The following ZNF644 variants were observed in gnomAD, a reference collection of about 807,000 sequenced individuals.
ZNF644 encodes zinc finger protein 644.
In ZNF644, 20 loss-of-function variants were observed where a neutral mutation model predicts 108.0. The observed-to-expected ratio is 0.19, with a 90% CI of 0.13 to 0.27. The LOEUF (loss-of-function observed/expected upper bound fraction) is 0.27. Among genes scored for constraint, ZNF644 ranks in the 10% least tolerant of loss-of-function variants. The pLI is 1.00. For missense variants in ZNF644, 1,338 were observed against 1,548.9 expected, an observed-to-expected ratio of 0.86 and a Z score of 2.29; for synonymous variants, 542 against 539.1, an observed-to-expected ratio of 1.01 and a Z score of -0.08.
At chr1:90,979,571 T>C (rs1656351174) in intron 2 of ZNF644, among the ~76,000 whole-genome samples, 1 of 152,216 alleles carries the variant, frequency 6.6e-6, no homozygotes, top group Admixed American at 6.5e-5. Context: ...GCAAGCTTCC[T>C]AAGCTGTGGG....
chr1:91,014,086 A>G (rs1028546314), intron 1 of ZNF644, among the ~76,000 whole-genome samples: 1 of 152,170 alleles, frequency 6.6e-6, no homozygotes, highest in African/African-American at 2.4e-5. Flanking sequence ...CAAATTGTAT[A>G]TATTTATGGT....
intron 2 of ZNF644, among the ~76,000 whole-genome samples, chr1:90,981,129 T>C (rs1256532511): frequency 6.6e-6 from 1 of 152,098 alleles, no homozygotes; most frequent in African/African-American, 2.4e-5. Flanking sequence ...TAATAAGACC[T>C]TCAAGTACAA....
chr1:91,005,166 A>C (rs1659295320), intron 1 of ZNF644, among the ~76,000 whole-genome samples: 1 of 152,180 alleles, frequency 6.6e-6, no homozygotes. Flanking sequence ...GAAAGTAACC[A>C]AAAGAGAGTT....
intron 1 of ZNF644, among the ~76,000 whole-genome samples, chr1:90,992,477 T>C (rs1052223544): frequency 6.6e-6 from 1 of 151,718 alleles, no homozygotes; most frequent in Non-Finnish European, 1.5e-5. Flanking sequence ...GGTAATTCAG[T>C]CTATAAACAA....
chr1:90,932,524 G>A (rs1380524033), intron 4 of ZNF644, among the ~76,000 whole-genome samples: 2 of 152,064 alleles, frequency 1.3e-5, no homozygotes, highest in Non-Finnish European at 2.9e-5. Flanking sequence ...AATGATGCCT[G>A]TTACTCATAT....
chr1:90,932,002 G>A (rs1446153958), intron 4 of ZNF644, among the ~76,000 whole-genome samples: 1 of 152,028 alleles, frequency 6.6e-6, no homozygotes, highest in African/African-American at 2.4e-5. Context: ...TTCTGGGATG[G>A]GGCCCACAGC....
intron 2 of ZNF644, among the ~76,000 whole-genome samples, chr1:90,942,513 C>T (rs552529052): frequency 2.0e-5 from 3 of 152,154 alleles, no homozygotes; most frequent in African/African-American, 7.2e-5. Flanking sequence ...ATCTCTAGAA[C>T]CTAGTACATC....
At chr1:90,974,003 C>T (rs1035147500) in intron 2 of ZNF644, among the ~76,000 whole-genome samples, 38 of 152,092 alleles carry the variant, frequency 2.5e-4, no homozygotes, top group African/African-American at 8.9e-4. Flanking sequence ...CTCTGACTTT[C>T]TCTCCCTTCT....
At chr1:90,968,182 C>T (rs576845522) in intron 2 of ZNF644, among the ~76,000 whole-genome samples, 251 of 151,738 alleles carry the variant, frequency 1.7e-3, no homozygotes, top group African/African-American at 5.9e-3. Flanking sequence ...TAGTGATATA[C>T]CTAATTCACA....
intron 4 of ZNF644, among the ~76,000 whole-genome samples, chr1:90,932,553 T>C (rs1366803719): frequency 1.3e-5 from 2 of 152,204 alleles, no homozygotes; most frequent in Admixed American, 1.3e-4. Flanking sequence ...GAATCACTTA[T>C]AATAACCAAG....
chr1:90,952,629 T>C (rs2101055714), intron 2 of ZNF644, among the ~76,000 whole-genome samples: 1 of 151,596 alleles, frequency 6.6e-6, no homozygotes, highest in Non-Finnish European at 1.5e-5. Flanking sequence ...ATTAGTGAAC[T>C]AGAAAAAGGT....
intron 1 of ZNF644, chr1:91,021,735 G>A (rs1190070802): frequency 6.3e-6 from 1 of 157,756 alleles, no homozygotes; most frequent in Non-Finnish European, 1.2e-5. Flanking sequence ...CCGCCTCCCC[G>A]AACCCGGGGC....
intron 2 of ZNF644, among the ~76,000 whole-genome samples, chr1:90,964,341 C>T (rs1654623532): frequency 6.6e-6 from 1 of 152,090 alleles, no homozygotes; most frequent in African/African-American, 2.4e-5. Context: ...TCTATTTTCT[C>T]ACATTTAGAC....
At chr1:90,949,246 T>G (rs1251250191) in intron 2 of ZNF644, among the ~76,000 whole-genome samples, 3 of 151,688 alleles carry the variant, frequency 2.0e-5, no homozygotes, top group African/African-American at 7.2e-5. Context: ...TATATTCACA[T>G]GGAAAAGTAT....
chr1:90,939,450 A>G lies in ZNF644; in HGVS notation c.1904T>C (p.Val635Ala), dbSNP rs1651717957. The G allele has an allele frequency of 1.9e-6, 3 of 1,613,860 alleles. No individual in the cohort carries two copies. The highest frequency in any genetic ancestry group is 2.5e-6 in the Non-Finnish European group (3 of 1,179,892). Residue 635 changes from valine (V) to alanine (A), a missense_variant, in exon 3 of 6, where the codon GTA becomes GCA. Around this residue, in one of 6 missense-constraint regions of ZNF644, gnomAD observed 462 missense variants for 472.6 expected, o/e 0.98. Transcript: ENST00000337393. ...KRKNDILEEP[V>A]DSDSTKTLTK... ...TAATGTTTTAGTGCTATCACTATCTACAGGTTCTTCAAGGATGTCATTTTT... is the reference window on the plus strand; with the variant it reads ...TAATGTTTTAGTGCTATCACTATCTGCAGGTTCTTCAAGGATGTCATTTTT...
chr1:90,999,812 A>AT (rs1658574935), intron 1 of ZNF644, among the ~76,000 whole-genome samples: 2 of 152,222 alleles, frequency 1.3e-5, no homozygotes, highest in Admixed American at 1.3e-4. Flanking sequence ...GCACAGACAC[A>AT]AATAGGCTCA....
Position 90,999,194 on chromosome 1 carries a change from A to G in ZNF644, c.-17-16824T>C, listed in dbSNP as rs373842209. Among the ~76,000 whole-genome samples, 9 of 152,256 alleles carry G rather than the reference A, an allele frequency of 5.9e-5. No homozygotes were observed. In the East Asian group the frequency reaches 1.4e-3, roughly 23 times the overall value. On this transcript the variant is annotated intron_variant, in intron 1 of 5. Coordinates refer to ENST00000337393, the MANE Select transcript of ZNF644 (RefSeq NM_201269.3). The stretch of plus-strand genomic sequence containing the variant: ...TTCAAATTCAGGAAATACAGAGAAC[A>G]CCACAAAGATACTCCTCGAGAAGAG...
rs748466724 is a variant in ZNF644 at position 90,940,752 on chromosome 1, C to A, written c.602G>T (p.Gly201Val). 1 of 1,613,868 alleles carries A rather than the reference C, an allele frequency of 6.2e-7. No individual in the cohort carries two copies. Among genetic ancestry groups the A allele is most frequent in the Admixed American group, 1.7e-5 (1 of 59,974 alleles). Reference protein sequence around the residue: ...NKKLPTSASVGCDIQNSVGSN... With the variant: ...NKKLPTSASVVCDIQNSVGSN... ...CCCTACTGAATTCTGAATGTCACAA[C>A]CAACTGAAGCAGAGGTAGGTAGTTT... Residue 201 changes from glycine (G) to valine (V), a missense_variant, in exon 3 of 6, where the codon GGT becomes GTT. Physicochemically the swap from Gly to Val is moderately radical, Grantham distance 109. Around this residue, in one of 6 missense-constraint regions of ZNF644, gnomAD observed 464 missense variants for 457.9 expected, o/e 1.01. Coordinates refer to ENST00000337393, the MANE Select transcript of ZNF644 (RefSeq NM_201269.3).
intron 1 of ZNF644, among the ~76,000 whole-genome samples, chr1:91,001,161 G>A (rs2101671790): frequency 6.6e-6 from 1 of 152,322 alleles, no homozygotes; most frequent in East Asian, 1.9e-4. Flanking sequence ...TAGGAAAAGA[G>A]GGACTCCTCC....
Sources: gnomAD v4.1 joint callset for allele counts (sites outside exome capture counted in the v4.1 genomes callset) on GRCh38, gnomAD v4.1.1 for gene constraint, gnomAD v4.1.1 regional missense constraint, MANE v1.5 for transcripts, NCBI Gene and HGNC (gene_info 2026-07-23, HGNC 2026-07-21) for gene names.